GRB7: variants seen among roughly 807,000 people sequenced by gnomAD.
GRB7 encodes growth factor receptor bound protein 7, also known as growth factor receptor-bound protein 7.
Under a neutral mutation model 64.1 loss-of-function variants are expected in GRB7, and 47 were observed. The ratio of observed to expected loss-of-function variants is 0.73; its 90% confidence interval spans 0.58 to 0.94. The LOEUF is 0.94. Ranked by LOEUF, GRB7 falls within the 40% of genes least tolerant of loss-of-function variation. The pLI, the probability that GRB7 is intolerant of heterozygous loss-of-function variation, is 0.00. For missense variants in GRB7, 634 were observed against 718.4 expected (o/e 0.88, Z 1.34); for synonymous variants, 277 against 279.9 (o/e 0.99, Z 0.10).
rs140533690 is a variant in GRB7 at position 39,745,278 on chromosome 17, A to C, written c.1047A>C (p.Ala349=). The C allele has an allele frequency of 6.2e-6, 10 of 1,612,268 alleles. No homozygotes were observed. Among genetic ancestry groups the C allele is most frequent in the African/African-American group, 1.3e-5 (1 of 74,906 alleles). The change falls in exon 10 of 15, where the codon GCA becomes GCC. Residue 349 remains alanine (A), a synonymous_variant. Coordinates refer to ENST00000309156, the MANE Select transcript of GRB7 (RefSeq NM_005310.5). ...GVQLYKNYQQ[A]QSRHLHPSCL... ...AGCTGTACAAGAATTACCAGCAGGCACAGTCTCGCCATCTGCATCCATCTT... is the reference window on the plus strand; with the variant it reads ...AGCTGTACAAGAATTACCAGCAGGCCCAGTCTCGCCATCTGCATCCATCTT...
chr17:39,744,950 G>A lies in GRB7; in HGVS notation c.977G>A (p.Arg326His), dbSNP rs200773858. ...TTCTGCAGTGAAGATGAGCAGAGCCGCACCTGCTGGCTGGCTGCCTTCCGC... is the reference window on the plus strand; with the variant it reads ...TTCTGCAGTGAAGATGAGCAGAGCCACACCTGCTGGCTGGCTGCCTTCCGC... ...RIFCSEDEQSRTCWLAAFRLF... is the reference protein window; with the variant it reads ...RIFCSEDEQSHTCWLAAFRLF... The change falls in exon 9 of 15, where the codon CGC (arginine) becomes CAC (histidine). Residue 326 changes from arginine to histidine, a missense_variant. This residue lies in a region of GRB7 where 467 missense variants were observed against 576.6 expected (regional missense o/e 0.81). Transcript: ENST00000309156. 1.9e-5 allele frequency: 31 copies of A among 1,613,926 alleles called. No individual in the cohort carries two copies. The highest frequency in any genetic ancestry group is 3.3e-4 in the Middle Eastern group (2 of 6,062).
At chr17:39,742,149 G>A (rs2059999878) in intron 1 of GRB7, 103 bp from the exon 2 acceptor site, 1 of 784,674 alleles carries the variant, frequency 1.3e-6, no homozygotes, top group Non-Finnish European at 2.2e-6. Flanking sequence ...AGGGCTTCAG[G>A]GAAACTCCAG....
Position 39,744,663 on chromosome 17 carries a change from G to C in GRB7, c.912G>C (p.Lys304Asn). The change falls in exon 8 of 15, where the codon AAG becomes AAC. Residue 304 changes from lysine (K) to asparagine (N), a missense_variant and splice_region_variant. Coordinates refer to ENST00000309156, the MANE Select transcript of GRB7 (RefSeq NM_005310.5). ...GMPTDFGFCVKPNKLRNGHKG... is the reference protein window; with the variant it reads ...GMPTDFGFCVNPNKLRNGHKG... ...CCACTGACTTCGGTTTCTGTGTCAAGGTGAAGACCTGGCCAGGCCTGGCCC... is the reference window on the plus strand; with the variant it reads ...CCACTGACTTCGGTTTCTGTGTCAACGTGAAGACCTGGCCAGGCCTGGCCC... The C allele has an allele frequency of 6.3e-7, 1 of 1,599,688 alleles. No homozygotes were observed.
chr17:39,742,185 C>T, intron 1 of GRB7, 67 bp from the exon 2 acceptor site: 2 of 1,140,838 alleles, frequency 1.8e-6, no homozygotes, highest in Non-Finnish European at 2.6e-6. Flanking sequence ...GCTAGGTAAA[C>T]TCTGAGGGGC....
At position 39,747,161 on chromosome 17, in the gene GRB7, C is replaced by A. The variant is rs1300006699; in HGVS notation, c.*264C>A. 2.0e-6 allele frequency: 1 copy of A among 507,564 alleles called. No individual in the cohort carries two copies. Among genetic ancestry groups the A allele is most frequent in the Non-Finnish European group, 3.5e-6 (1 of 286,930 alleles). The allele number at this position is 507,564 out of a possible 1,614,324, so 31.4% of individuals were successfully genotyped here. ...TAGCTCTGGAGGTGCTGCTCTAGGG[C>A]AGGGAATTATGGGAGAAGTGGGGGC... On this transcript the variant is annotated 3_prime_UTR_variant, in exon 15 of 15. Transcript: ENST00000309156.
Position 39,743,201 on chromosome 17 carries a change from A to G in GRB7, c.485A>G (p.Glu162Gly). The G allele has an allele frequency of 6.2e-7, 1 of 1,614,178 alleles. No homozygotes were observed. Among genetic ancestry groups the G allele is most frequent in the Non-Finnish European group, 8.5e-7 (1 of 1,180,022 alleles). Residue 162 changes from glutamate to glycine, a missense_variant, in exon 5 of 15, where the codon GAG (glutamate) becomes GGG (glycine). Physicochemically the swap from Glu to Gly is moderately conservative, Grantham distance 98. This residue lies in a region of GRB7 where 467 missense variants were observed against 576.6 expected (regional missense o/e 0.81). Transcript: ENST00000309156. ...LALERGLEDH[E>G]SVVEVQAAWP... ...CCAGAGCGGGGTTTGGAGGACCACGAGTCCGTGGTGGAAGTGCAGGCTGCC... is the reference window on the plus strand; with the variant it reads ...CCAGAGCGGGGTTTGGAGGACCACGGGTCCGTGGTGGAAGTGCAGGCTGCC...
intron 1 of GRB7, among the ~76,000 whole-genome samples, chr17:39,740,603 C>T (rs72832924): frequency 0.14 from 20,959 of 150,944 alleles, 1,869 homozygotes; most frequent in South Asian, 0.28. Context: ...GGAGCTAGGC[C>T]GAGGGTGGGG....
At chr17:39,742,143 C>CAGTGAGGTGCTAGGTT in intron 1 of GRB7, 109 bp from the exon 2 acceptor site, 2 of 756,974 alleles carry the variant, frequency 2.6e-6, no homozygotes, top group Non-Finnish European at 4.6e-6. Flanking sequence ...TCCCCAAGGG[C>CAGTGAGGTGCTAGGTT]TTCAGGGAAA....
Position 39,745,304 on chromosome 17 carries a change from G to T in GRB7, c.1073G>T (p.Cys358Phe). Residue 358 changes from cysteine to phenylalanine, a missense_variant, in exon 10 of 15, where the codon TGT (cysteine) becomes TTT (phenylalanine). Coordinates refer to ENST00000309156, the MANE Select transcript of GRB7 (RefSeq NM_005310.5). ...CAGTCTCGCCATCTGCATCCATCTT[G>T]TTTGGGCTCCCCACCCTTGGTGAGT... ...QAQSRHLHPS[C>F]LGSPPLRSAS... 3 of 1,603,554 alleles carry T rather than the reference G, an allele frequency of 1.9e-6. No homozygotes were observed. The highest frequency in any genetic ancestry group is 2.6e-6 in the Non-Finnish European group (3 of 1,172,756).
chr17:39,742,312 A>T lies in GRB7; in HGVS notation c.11A>T (p.Asp4Val). ...TCTTGCTCAGACGCCATGGAGCTGG[A>T]TCTGTCTCCACCTCATCTTAGCAGC... MEL[D>V]LSPPHLSSSP... is the part of the protein sequence containing the mutation. The change falls in exon 2 of 15, where the codon GAT (aspartate) becomes GTT (valine). Residue 4 changes from aspartate to valine, a missense_variant. By Grantham distance (152) the Asp-to-Val change is radical (BLOSUM62 -3). Transcript: ENST00000309156. The T allele has an allele frequency of 6.2e-7, 1 of 1,614,098 alleles. No homozygotes were observed. The highest frequency in any genetic ancestry group is 8.5e-7 in the Non-Finnish European group (1 of 1,179,992).
intron 1 of GRB7, among the ~76,000 whole-genome samples, chr17:39,740,926 T>A (rs199617609): frequency 6.6e-6 from 1 of 151,896 alleles, no homozygotes; most frequent in Non-Finnish European, 1.5e-5. Context: ...GGTGGCCTCA[T>A]AGTACTGGCC....
In GRB7 at chr17:39,742,359, G is replaced by C; in HGVS notation, c.58G>C (p.Ala20Pro). The C allele has an allele frequency of 6.2e-7, 1 of 1,613,976 alleles. No individual in the cohort carries two copies. Among genetic ancestry groups the C allele is most frequent in the Non-Finnish European group, 8.5e-7 (1 of 1,179,954 alleles). ...LSSSPEDLCP[A>P]PGTPPGTPRP... The stretch of plus-strand genomic sequence containing the variant: ...CAGCTCTCCGGAAGACCTTTGCCCA[G>C]CCCCTGGGACCCCTCCTGGGACTCC... The change falls in exon 2 of 15, where the codon GCC (alanine) becomes CCC (proline). Residue 20 changes from alanine to proline, a missense_variant. By Grantham distance (27) the Ala-to-Pro change is conservative. Coordinates refer to ENST00000309156, the MANE Select transcript of GRB7 (RefSeq NM_005310.5).
chr17:39,746,762 G>C lies in GRB7; in HGVS notation c.1464G>C (p.Glu488Asp). ...TTACTGTACCCCAGAGCGAGGAGGA[G>C]GGCCGCCTGTACTTCAGCATGGATG... ...KHYLILPSEE[E>D]GRLYFSMDDG... is the part of the protein sequence containing the mutation. The change falls in exon 15 of 15, where the codon GAG (glutamate) becomes GAC (aspartate). Residue 488 changes from glutamate (E) to aspartate (D), a missense_variant. By Grantham distance (45) the Glu-to-Asp change is conservative. This residue lies in a region of GRB7 where 467 missense variants were observed against 576.6 expected (regional missense o/e 0.81). Transcript: ENST00000309156. 1 of 1,614,022 alleles carries C rather than the reference G, an allele frequency of 6.2e-7. No homozygotes were observed. Among genetic ancestry groups the C allele is most frequent in the Non-Finnish European group, 8.5e-7 (1 of 1,180,006 alleles).
At position 39,744,672 on chromosome 17, in the gene GRB7, CTGGCCAGGCCTGG is replaced by C; in HGVS notation, c.912+10_912+22del. The stretch of plus-strand genomic sequence containing the variant: ...TCGGTTTCTGTGTCAAGGTGAAGAC[CTGGCCAGGCCTGG>C]CCCCTGGCCTGGGGAAGCAGGAACT... On this transcript the variant is annotated intron_variant, in intron 8 of 14. Transcript: ENST00000309156. 6.3e-7 allele frequency: 1 copy of C among 1,583,936 alleles called. No individual in the cohort carries two copies.
In GRB7 at chr17:39,747,190, C is replaced by T. The variant is rs1178179397; in HGVS notation, c.*293C>T. On this transcript the variant is annotated 3_prime_UTR_variant, in exon 15 of 15. Transcript: ENST00000309156. ...GAATTATGGGAGAAGTGGGGGCAGC[C>T]CAGGCGGTTTCACGCCCCACACTTT... 4.3e-6 allele frequency: 2 copies of T among 460,098 alleles called. No homozygotes were observed. The highest frequency in any genetic ancestry group is 7.2e-5 in the East Asian group (2 of 27,952). The allele number at this position is 460,098 out of a possible 1,614,324, so 28.5% of individuals were successfully genotyped here.
Position 39,745,477 on chromosome 17 carries a change from G to C in GRB7, c.1148G>C (p.Arg383Pro). The C allele has an allele frequency of 6.2e-7, 1 of 1,614,072 alleles. No homozygotes were observed. Among genetic ancestry groups the C allele is most frequent in the Non-Finnish European group, 8.5e-7 (1 of 1,180,014 alleles). ...ATGGACTTCTCTGGCCATGCTGGGCGTGTCATTGAGAACCCCCGGGAGGCT... is the reference window on the plus strand; with the variant it reads ...ATGGACTTCTCTGGCCATGCTGGGCCTGTCATTGAGAACCCCCGGGAGGCT... Reference protein sequence around the residue: ...VAMDFSGHAGRVIENPREALS... With the variant: ...VAMDFSGHAGPVIENPREALS... Residue 383 changes from arginine (R) to proline (P), a missense_variant, in exon 11 of 15, where the codon CGT (arginine) becomes CCT (proline). By Grantham distance (103) the Arg-to-Pro change is moderately radical. Around this residue, in one of 2 missense-constraint regions of GRB7, gnomAD observed 467 missense variants for 576.6 expected, o/e 0.81. Transcript: ENST00000309156.
Position 39,743,281 on chromosome 17 carries a change from G to C in GRB7, c.565G>C (p.Glu189Gln). The C allele has an allele frequency of 6.2e-7, 1 of 1,614,206 alleles. No individual in the cohort carries two copies. The highest frequency in any genetic ancestry group is 8.5e-7 in the Non-Finnish European group (1 of 1,180,036). Residue 189 changes from glutamate to glutamine, a missense_variant, in exon 5 of 15, where the codon GAA becomes CAA. This residue lies in a region of GRB7 where 467 missense variants were observed against 576.6 expected (regional missense o/e 0.81). Coordinates refer to ENST00000309156, the MANE Select transcript of GRB7 (RefSeq NM_005310.5). ...CTTCCGGAAAAACTTCGCCAAGTAC[G>C]AACTGTTCAAGAGCTCCCCAGTGAG... The part of the protein sequence containing the change: ...FVFRKNFAKY[E>Q]LFKSSPHSLF...
In GRB7 at chr17:39,742,891, G is replaced by A. The variant is rs368509200; in HGVS notation, c.307-7G>A. The A allele has an allele frequency of 2.5e-6, 4 of 1,571,806 alleles. No homozygotes were observed. The African/African-American group carries it at 5.4e-5, about 21-fold the overall frequency. On this transcript the variant is annotated splice_region_variant and splice_polypyrimidine_tract_variant and intron_variant, in intron 3 of 14. Transcript: ENST00000309156. ...CCCTCAAGTCGTGTGCAATTCCTGG[G>A]GCGCAGGTAGTAAAGGTGTACAGTG...
At position 39,742,922 on chromosome 17, in the gene GRB7, G is replaced by A; in HGVS notation, c.331G>A (p.Gly111Arg). The A allele has an allele frequency of 6.2e-7, 1 of 1,607,142 alleles. No homozygotes were observed. Among genetic ancestry groups the A allele is most frequent in the Non-Finnish European group, 8.5e-7 (1 of 1,176,122 alleles). The part of the protein sequence containing the change: ...PHVVKVYSED[G>R]ACRSVEVAAG... ...GGTAGTAAAGGTGTACAGTGAGGAT[G>A]GGGCCTGCAGGTCTGTGGAGGTGGC... Residue 111 changes from glycine to arginine, a missense_variant, in exon 4 of 15, where the codon GGG becomes AGG. Gly to Arg is a moderately radical substitution (Grantham distance 125). This residue lies in a region of GRB7 where 467 missense variants were observed against 576.6 expected (regional missense o/e 0.81). Coordinates refer to ENST00000309156, the MANE Select transcript of GRB7 (RefSeq NM_005310.5).
Sources: allele counts gnomAD v4.1 joint callset (sites outside exome capture counted in the v4.1 genomes callset), GRCh38; gene constraint gnomAD v4.1.1; regional missense constraint gnomAD v4.1.1; transcripts MANE v1.5; gene names NCBI Gene and HGNC (gene_info 2026-07-23, HGNC 2026-07-21).